The following MECOM variants were observed in gnomAD, a reference collection of about 807,000 sequenced individuals.
MECOM encodes the protein MDS1 and EVI1 complex locus, also known as histone-lysine N-methyltransferase MECOM.
In MECOM, 13 loss-of-function variants were observed where a neutral mutation model predicts 116.3. That is an observed-to-expected ratio of 0.11 (90% CI 0.07 to 0.18). The LOEUF is 0.18. Among genes scored for constraint, MECOM ranks in the 10% least tolerant of loss-of-function variants. MECOM has a pLI of 1.00. For missense variants in MECOM, 1,299 were observed against 1,509.0 expected, an observed-to-expected ratio of 0.86 and a Z score of 2.31; for synonymous variants, 528 against 535.2, an observed-to-expected ratio of 0.99 and a Z score of 0.19.
intron 1 of MECOM, among the ~76,000 whole-genome samples, chr3:169,488,627 A>T (rs1752693649): frequency 6.6e-6 from 1 of 152,064 alleles, no homozygotes; most frequent in African/African-American, 2.4e-5. Flanking sequence ...TGCCATATTT[A>T]ACCACAAAGA....
Position 169,149,701 on chromosome 3 carries a change from T to C in MECOM, c.376-5869A>G, listed in dbSNP as rs112244391. 2.9e-3 allele frequency: 1,377 copies of C among 472,264 alleles called. 4 individuals carry two copies. Among genetic ancestry groups the C allele is most frequent in the Non-Finnish European group, 4.6e-3 (1,092 of 235,250 alleles). The allele number at this position is 472,264 out of a possible 1,614,324, so 29.3% of individuals were successfully genotyped here. A position where few individuals can be genotyped will look rare whatever the true frequency, so the allele number is the denominator to read the frequency against. ...GCTATTCCTACGTCTGAGCTTCTCTTCCCCAAATACAACCAAGAGTGAACG... is the reference window on the plus strand; with the variant it reads ...GCTATTCCTACGTCTGAGCTTCTCTCCCCCAAATACAACCAAGAGTGAACG... On this transcript the variant is annotated intron_variant, in intron 2 of 16. Transcript: ENST00000651503.
At chr3:169,637,206 G>A (rs1039175807) in intron 1 of MECOM, among the ~76,000 whole-genome samples, 18 of 152,086 alleles carry the variant, frequency 1.2e-4, no homozygotes, top group East Asian at 1.9e-4. Flanking sequence ...GCAGCCATTC[G>A]ATTGAGCCAC....
intron 1 of MECOM, among the ~76,000 whole-genome samples, chr3:169,392,684 T>A (rs954383505): frequency 3.0e-4 from 45 of 152,164 alleles, no homozygotes; most frequent in African/African-American, 1.0e-3. Context: ...GGAAAAGTGC[T>A]GAGTGCTAAA....
At chr3:169,493,060 C>A (rs1056831979) in intron 1 of MECOM, among the ~76,000 whole-genome samples, 3 of 152,134 alleles carry the variant, frequency 2.0e-5, no homozygotes, top group African/African-American at 7.2e-5. Flanking sequence ...GAACAATGAA[C>A]AATCTTCTTG....
Position 169,143,678 on chromosome 3 carries a change from A to G in MECOM, c.510+20T>C, listed in dbSNP as rs759716576. ...ACTTTTGTGCTCTCAAGGAAAGACAAGAAAATCTTTACAACATACCTGATC... is the reference window on the plus strand; with the variant it reads ...ACTTTTGTGCTCTCAAGGAAAGACAGGAAAATCTTTACAACATACCTGATC... On this transcript the variant is annotated intron_variant, in intron 3 of 16. Transcript: ENST00000651503. 3.1e-5 allele frequency: 48 copies of G among 1,551,804 alleles called. No homozygotes were observed. Among genetic ancestry groups the G allele is most frequent in the Non-Finnish European group, 4.0e-5 (46 of 1,145,708 alleles).
At chr3:169,189,797 T>C (rs889365419) in intron 2 of MECOM, among the ~76,000 whole-genome samples, 30 of 152,138 alleles carry the variant, frequency 2.0e-4, no homozygotes, top group African/African-American at 6.8e-4. Flanking sequence ...GACAGGAATC[T>C]TCTCATTTAT....
intron 1 of MECOM, among the ~76,000 whole-genome samples, chr3:169,486,026 AGT>A (rs1491345181): frequency 1.6e-5 from 2 of 123,716 alleles, no homozygotes; most frequent in Non-Finnish European, 3.4e-5. Flanking sequence ...ATGTATATAT[AGT>A]ATATATATAT....
intron 1 of MECOM, chr3:169,467,177 A>G (rs1211502243): frequency 6.6e-6 from 1 of 152,188 alleles, no homozygotes; most frequent in Non-Finnish European, 1.5e-5. Context: ...GGCAGCCTCC[A>G]TAATTATTAT....
chr3:169,134,993 A>G (rs909849673), intron 3 of MECOM, among the ~76,000 whole-genome samples: 3 of 152,180 alleles, frequency 2.0e-5, no homozygotes, highest in African/African-American at 7.2e-5. Context: ...GGAGTGATTT[A>G]TATAGATTTT....
intron 2 of MECOM, among the ~76,000 whole-genome samples, chr3:169,284,796 A>C (rs1219536223): frequency 2.0e-5 from 3 of 152,150 alleles, no homozygotes; most frequent in Non-Finnish European, 4.4e-5. Context: ...AATAACTACA[A>C]AATTCTTAAT....
chr3:169,500,083 T>C (rs966010839), intron 1 of MECOM, among the ~76,000 whole-genome samples: 4 of 152,018 alleles, frequency 2.6e-5, no homozygotes, highest in African/African-American at 7.2e-5. Context: ...TAAATAATGT[T>C]TAATAATTTA....
intron 2 of MECOM, among the ~76,000 whole-genome samples, chr3:169,257,169 A>G (rs560129852): frequency 6.6e-6 from 1 of 152,370 alleles, no homozygotes; most frequent in South Asian, 2.1e-4. Context: ...GTAAATATAA[A>G]TAGATTGGTG....
chr3:169,524,039 A>AATATATATATAT lies in MECOM; in HGVS notation c.37+139285_37+139296dup, dbSNP rs10575336. Among the ~76,000 whole-genome samples the AATATATATATAT allele has an allele frequency of 8.7e-5, 12 of 138,240 alleles. No individual in the cohort carries two copies. In the South Asian group the frequency reaches 9.1e-4, roughly 11 times the overall value. The allele number at this position is 138,240 out of a possible 152,430, so 90.7% of individuals were successfully genotyped here. ...ACACATACATGTATGTATATGAATA[A>AATATATATATAT]ATATATATATATATATATATATATA... On this transcript the variant is annotated intron_variant, in intron 1 of 16. Coordinates refer to ENST00000651503, the MANE Select transcript of MECOM (RefSeq NM_004991.4).
intron 1 of MECOM, among the ~76,000 whole-genome samples, chr3:169,529,323 C>T (rs1297457246): frequency 6.6e-6 from 1 of 152,198 alleles, no homozygotes; most frequent in African/African-American, 2.4e-5. Context: ...TGAAAACCAG[C>T]AGGACAATAA....
chr3:169,189,568 G>A lies in MECOM; in HGVS notation c.376-45736C>T, dbSNP rs956744518. Reference sequence around the variant, plus strand: ...AAATCTGCCATTTTTAACCTTTTCAGGGAAAGTAATTCACTTATTGGCTTT... The same window carrying A: ...AAATCTGCCATTTTTAACCTTTTCAAGGAAAGTAATTCACTTATTGGCTTT... On this transcript the variant is annotated intron_variant, in intron 2 of 16. Transcript: ENST00000651503. Among the ~76,000 whole-genome samples the A allele has an allele frequency of 2.6e-5, 4 of 152,126 alleles. No homozygotes were observed. The East Asian group carries it at 7.7e-4, about 29-fold the overall frequency.
At chr3:169,547,639 C>G (rs764200954) in intron 1 of MECOM, among the ~76,000 whole-genome samples, 6 of 152,154 alleles carry the variant, frequency 3.9e-5, no homozygotes, top group Non-Finnish European at 7.4e-5. Flanking sequence ...AGTCCTAATT[C>G]CCAGTACCTG....
intron 9 of MECOM, among the ~76,000 whole-genome samples, chr3:169,111,240 C>T (rs1211067736): frequency 1.3e-5 from 2 of 152,022 alleles, no homozygotes; most frequent in African/African-American, 2.4e-5. Flanking sequence ...TCCATTCTAC[C>T]GTGAACCCAT....
At chr3:169,619,016 T>TAA (rs1268942190) in intron 1 of MECOM, among the ~76,000 whole-genome samples, 5 of 137,710 alleles carry the variant, frequency 3.6e-5, no homozygotes, top group Admixed American at 1.5e-4. Flanking sequence ...TCTAAACATT[T>TAA]AAAAAAAAAA....
chr3:169,191,725 AAAGAAAGAAAGAAAGAG>A (rs1747629793), intron 2 of MECOM, among the ~76,000 whole-genome samples: 1 of 26,948 alleles, frequency 3.7e-5, no homozygotes, highest in Non-Finnish European at 1.4e-4. Flanking sequence ...AGAAAAAAAG[AAAGAAAGAAAGAAAGAG>A]AAAGAAAGAA....
Sources: gnomAD v4.1 joint callset for allele counts (sites outside exome capture counted in the v4.1 genomes callset) on GRCh38, gnomAD v4.1.1 for gene constraint, MANE v1.5 for transcripts, NCBI Gene and HGNC (gene_info 2026-07-23, HGNC 2026-07-21) for gene names.